Variants in PRDM11 observed in about 807,000 individuals in gnomAD.
PRDM11 encodes PR/SET domain 11, also known as PR domain-containing protein 11.
Under a neutral mutation model 97.8 loss-of-function variants are expected in PRDM11, and 20 were observed. The ratio of observed to expected loss-of-function variants is 0.20; its 90% CI spans 0.14 to 0.30. The LOEUF is 0.30. Ranked by LOEUF, PRDM11 falls within the 10% of genes least tolerant of loss-of-function variation. The pLI is 1.00. For synonymous variants in PRDM11, 599 were observed against 637.7 expected (o/e 0.94, Z 0.91); for missense variants, 1,139 against 1,555.2 (o/e 0.73, Z 4.50).
At chr11:45,143,645 A>G (rs760518310), upstream of PRDM11, among the ~76,000 whole-genome samples, 2 of 152,244 alleles carry the variant, frequency 1.3e-5, no homozygotes, top group Non-Finnish European at 2.9e-5. Context: ...GGAGTCAGGC[A>G]GACCTATGTT....
At chr11:45,195,194 A>T (rs1482059746) in intron 4 of PRDM11, among the ~76,000 whole-genome samples, 1 of 152,050 alleles carries the variant, frequency 6.6e-6, no homozygotes, top group Non-Finnish European at 1.5e-5. Flanking sequence ...GGCAGATTTT[A>T]TTTTTTAACA....
intron 1 of PRDM11, among the ~76,000 whole-genome samples, chr11:45,149,615 G>A (rs1315106853): frequency 1.3e-5 from 2 of 152,232 alleles, no homozygotes; most frequent in Admixed American, 1.3e-4. Context: ...AAATGACAGT[G>A]ATTCACGTCA....
intron 6 of PRDM11, among the ~76,000 whole-genome samples, chr11:45,220,716 C>A (rs1271970504): frequency 2.0e-5 from 3 of 152,186 alleles, no homozygotes; most frequent in Admixed American, 6.5e-5. Context: ...AAAAAACAAT[C>A]TCTATCAAAA....
At chr11:45,165,603 C>T (rs531615982) in intron 1 of PRDM11, among the ~76,000 whole-genome samples, 2 of 152,384 alleles carry the variant, frequency 1.3e-5, no homozygotes, top group South Asian at 2.1e-4. Flanking sequence ...CCCATCTGAG[C>T]AGGGCCACCA....
chr11:45,103,921 G>A (rs1852020455), intron 1 of PRDM11, among the ~76,000 whole-genome samples: 1 of 152,034 alleles, frequency 6.6e-6, no homozygotes, highest in African/African-American at 2.4e-5. Context: ...TGCATTGAGG[G>A]CGATGGTTAT....
At chr11:45,182,633 T>A (rs1852552014) in intron 3 of PRDM11, among the ~76,000 whole-genome samples, 1 of 152,214 alleles carries the variant, frequency 6.6e-6, no homozygotes, top group Non-Finnish European at 1.5e-5. Context: ...CCATGCTCTT[T>A]CTTCCAGTTT....
rs767913560 is a variant in PRDM11, at chr11:45,224,657, G to A, written c.1183G>A (p.Glu395Lys). ...ATCATTCAAGGCCGACAGTCCTGCC[G>A]AGGCCTCCCTTGCATCTGACCCTCA... The part of the protein sequence containing the change: ...PSSFKADSPA[E>K]ASLASDPHEL... Residue 395 changes from glutamate (E) to lysine (K), a missense_variant, in exon 7 of 8, where the codon GAG becomes AAG. This residue lies in a region of PRDM11 where 710 missense variants were observed against 1,044.9 expected (regional missense o/e 0.68). Coordinates refer to ENST00000683152, the MANE Select transcript of PRDM11 (RefSeq NM_001384648.1). 112 of 1,614,022 alleles carry A rather than the reference G, an allele frequency of 6.9e-5. No homozygotes were observed. The highest frequency in any genetic ancestry group is 3.3e-5 in the South Asian group (3 of 91,086).
At chr11:45,098,044 T>A (rs1485978037) in intron 1 of PRDM11, among the ~76,000 whole-genome samples, 1 of 152,186 alleles carries the variant, frequency 6.6e-6, no homozygotes, top group African/African-American at 2.4e-5. Context: ...AACTACCATC[T>A]CAGAAGGAGG....
chr11:45,210,274 C>T (rs1331267099), intron 5 of PRDM11, among the ~76,000 whole-genome samples: 1 of 152,242 alleles, frequency 6.6e-6, no homozygotes, highest in Non-Finnish European at 1.5e-5. Flanking sequence ...CTCCCCACCC[C>T]TCTTCTCCCT....
At chr11:45,141,669 G>A (rs1399287460), upstream of PRDM11, among the ~76,000 whole-genome samples, 1 of 152,140 alleles carries the variant, frequency 6.6e-6, no homozygotes, top group Non-Finnish European at 1.5e-5. Context: ...AGATGCCAAA[G>A]CCTGCACCAC....
chr11:45,152,673 T>C (rs1183450339), intron 1 of PRDM11, among the ~76,000 whole-genome samples: 1 of 152,348 alleles, frequency 6.6e-6, no homozygotes, highest in East Asian at 1.9e-4. Flanking sequence ...TTTTTAAATC[T>C]TCACAGCGAT....
chr11:45,149,387 C>T (rs533282282), intron 1 of PRDM11, among the ~76,000 whole-genome samples: 5 of 152,236 alleles, frequency 3.3e-5, no homozygotes, highest in East Asian at 3.8e-4. Context: ...CTCCATACCC[C>T]GATCTCTCCT....
At chr11:45,199,547 G>A (rs761688249) in intron 4 of PRDM11, among the ~76,000 whole-genome samples, 18 of 152,166 alleles carry the variant, frequency 1.2e-4, no homozygotes, top group East Asian at 3.9e-4. Context: ...GCCTGGTTCC[G>A]GGTTATCAAA....
At chr11:45,095,670 C>T, upstream of PRDM11, 2 of 626,606 alleles carry the variant, frequency 3.2e-6, no homozygotes, top group South Asian at 1.9e-5. Context: ...AACTGCAACC[C>T]CTGGGACATG....
At chr11:45,215,717 G>A (rs1445691212) in intron 5 of PRDM11, 2 of 152,284 alleles carry the variant, frequency 1.3e-5, no homozygotes, top group Non-Finnish European at 2.9e-5. Flanking sequence ...AATTGGAAGA[G>A]GGAGGCCTCT....
chr11:45,193,741 G>A (rs1027483687), intron 4 of PRDM11, among the ~76,000 whole-genome samples: 1 of 152,192 alleles, frequency 6.6e-6, no homozygotes, highest in Non-Finnish European at 1.5e-5. Flanking sequence ...GACATAGAAC[G>A]ACAATCATTT....
At position 45,204,698 on chromosome 11, in the gene PRDM11, C is replaced by G. The variant is rs750434049; in HGVS notation, c.487-13C>G. 1 of 1,608,098 alleles carries G rather than the reference C, an allele frequency of 6.2e-7. No individual in the cohort carries two copies. The highest frequency in any genetic ancestry group is 1.1e-5 in the South Asian group (1 of 91,008). ...TAGAATGGCCCATCCTAGACTCTTT[C>G]TCTTTCTTCCAGATTGTGGACAAGA... On this transcript the variant is annotated splice_polypyrimidine_tract_variant and intron_variant, in intron 4 of 7. Transcript: ENST00000683152.
At chr11:45,116,818 G>A (rs1334421757) in intron 1 of PRDM11, among the ~76,000 whole-genome samples, 2 of 152,148 alleles carry the variant, frequency 1.3e-5, no homozygotes, top group Non-Finnish European at 2.9e-5. Context: ...TATATGACAT[G>A]AGCCTGGAAC....
intron 4 of PRDM11, among the ~76,000 whole-genome samples, chr11:45,200,911 G>T (rs934443541): frequency 6.6e-6 from 1 of 152,168 alleles, no homozygotes; most frequent in Non-Finnish European, 1.5e-5. Context: ...TGAGAGTTGA[G>T]ATTTTGATGT....
Sources: allele counts gnomAD v4.1 joint callset (sites outside exome capture counted in the v4.1 genomes callset), GRCh38; gene constraint gnomAD v4.1.1; regional missense constraint gnomAD v4.1.1; transcripts MANE v1.5; gene names NCBI Gene and HGNC (gene_info 2026-07-23, HGNC 2026-07-21).